Variants in ZBBX observed in about 807,000 individuals in gnomAD.
The protein encoded by ZBBX is zinc finger B-box domain-containing protein 1.
Under a neutral mutation model 108.5 loss-of-function variants are expected in ZBBX, and 101 were observed. The observed-to-expected ratio is 0.93, with a 90% confidence interval of 0.79 to 1.10. ZBBX has a LOEUF of 1.10. Among genes scored for constraint, ZBBX ranks in the 50% least tolerant of loss-of-function variants. The probability of loss-of-function intolerance (pLI) is 0.00; values close to 1 mark genes in which losing one functional copy is unlikely to be tolerated. For synonymous variants in ZBBX, 356 were observed against 323.4 expected (o/e 1.10, Z -1.08); for missense variants, 1,009 against 941.4 (o/e 1.07, Z -0.94).
chr3:167,297,837 C>T (rs1470864880), intron 18 of ZBBX, among the ~76,000 whole-genome samples: 2 of 151,834 alleles, frequency 1.3e-5, no homozygotes, highest in South Asian at 2.1e-4. Flanking sequence ...CAATATTGTA[C>T]CACCTCAGAC....
chr3:167,195,979 A>G, the ZBBX span, among the ~76,000 whole-genome samples: 2 of 152,210 alleles, frequency 1.3e-5, no homozygotes, highest in Non-Finnish European at 2.9e-5. Context: ...TATTTGGGGT[A>G]TATCTGAAAT....
At chr3:167,369,023 T>C (rs1037978868) in intron 4 of ZBBX, among the ~76,000 whole-genome samples, 33 of 152,290 alleles carry the variant, frequency 2.2e-4, no homozygotes, top group South Asian at 6.2e-4. Context: ...TTTAAATCTC[T>C]ACCTTTATGT....
At chr3:167,387,020 C>G (rs188782342) in intron 1 of ZBBX, among the ~76,000 whole-genome samples, 2 of 152,028 alleles carry the variant, frequency 1.3e-5, no homozygotes, top group Non-Finnish European at 2.9e-5. Flanking sequence ...AAGTTACTGC[C>G]ACAATATTTC....
In ZBBX at chr3:167,251,955, CACACAT is replaced by C. The variant is rs1722702308; in HGVS notation, c.2255-9318_2255-9313del. 1.3e-4 allele frequency among the ~76,000 whole-genome samples: 20 copies of C among 151,556 alleles called. 2 individuals are homozygous for C. In the South Asian group the frequency reaches 4.2e-3, roughly 32 times the overall value. ...ACACACACACACACACACACACACA[CACACAT>C]CTGTCCATGCTAGGTACTTCTAGAA... is the stretch of plus-strand genomic sequence containing the variant. On this transcript the variant is annotated intron_variant, in intron 20 of 21. Coordinates refer to ENST00000675490, the MANE Select transcript of ZBBX (RefSeq NM_001199201.2).
the ZBBX span, among the ~76,000 whole-genome samples, chr3:167,215,214 T>A: frequency 6.6e-6 from 1 of 151,526 alleles, no homozygotes; most frequent in South Asian, 2.1e-4. Context: ...TTTTTAAAGA[T>A]GTAAAATAGG....
intron 14 of ZBBX, among the ~76,000 whole-genome samples, 164 bp downstream of exon 14, chr3:167,316,841 G>T (rs1194206700): frequency 1.3e-5 from 2 of 151,892 alleles, no homozygotes; most frequent in Non-Finnish European, 2.9e-5. Context: ...GAATAATATT[G>T]TTTTATTCTT....
intron 11 of ZBBX, among the ~76,000 whole-genome samples, chr3:167,327,261 A>T (rs903087956): frequency 0.013 from 64 of 4,924 alleles, no homozygotes; most frequent in Non-Finnish European, 4.6e-3. Context: ...AAATATTCTA[A>T]AAAAAAAAAA....
intron 20 of ZBBX, among the ~76,000 whole-genome samples, chr3:167,245,434 T>C (rs890009994): frequency 6.6e-6 from 1 of 152,154 alleles, no homozygotes; most frequent in Non-Finnish European, 1.5e-5. Context: ...TATGTCTTGT[T>C]TATTTCTCCT....
At chr3:167,339,987 G>A (rs1231401924) in intron 9 of ZBBX, among the ~76,000 whole-genome samples, 3 of 151,954 alleles carry the variant, frequency 2.0e-5, no homozygotes, top group Non-Finnish European at 2.9e-5. Context: ...ATCATATACC[G>A]TGTTGTGGCA....
At chr3:167,373,292 A>T (rs1746444460) in intron 3 of ZBBX, among the ~76,000 whole-genome samples, 1 of 152,204 alleles carries the variant, frequency 6.6e-6, no homozygotes, top group Non-Finnish European at 1.5e-5. Context: ...TTATATAAGG[A>T]ACCTGAGCAT....
At chr3:167,274,842 C>T (rs1274444913) in intron 20 of ZBBX, among the ~76,000 whole-genome samples, 1 of 152,136 alleles carries the variant, frequency 6.6e-6, no homozygotes, top group Non-Finnish European at 1.5e-5. Context: ...GGGGGAAGGA[C>T]ACAGAGATAG....
chr3:167,210,401 T>C, the ZBBX span, among the ~76,000 whole-genome samples: 1 of 152,144 alleles, frequency 6.6e-6, no homozygotes, highest in Non-Finnish European at 1.5e-5. Context: ...AAAGCATTCC[T>C]GTAAGACCTA....
At chr3:167,407,716 T>C (rs1322983438) in intron 1 of ZBBX, among the ~76,000 whole-genome samples, 1 of 152,114 alleles carries the variant, frequency 6.6e-6, no homozygotes, top group African/African-American at 2.4e-5. Context: ...GTCTTCATTT[T>C]TGTCTTTACC....
At chr3:167,315,952 A>G in intron 14 of ZBBX, 123 bp from the exon 15 acceptor site, 1 of 562,680 alleles carries the variant, frequency 1.8e-6, no homozygotes, top group South Asian at 3.1e-5. Context: ...GAGAGCTCTA[A>G]TTATATTTTA....
chr3:167,393,081 C>A (rs1577145168), intron 1 of ZBBX, among the ~76,000 whole-genome samples: 1 of 151,856 alleles, frequency 6.6e-6, no homozygotes, highest in African/African-American at 2.4e-5. Context: ...TGTTAGCTAG[C>A]CTAAAACAAA....
At chr3:167,390,051 G>A (rs755225742) in intron 1 of ZBBX, among the ~76,000 whole-genome samples, 19 of 151,836 alleles carry the variant, frequency 1.3e-4, no homozygotes, top group Admixed American at 3.3e-4. Flanking sequence ...TGCCTATGTC[G>A]TGAATGGTAC....
the ZBBX span, among the ~76,000 whole-genome samples, chr3:167,228,474 G>A: frequency 6.6e-6 from 1 of 151,752 alleles, no homozygotes; most frequent in South Asian, 2.1e-4. Context: ...AAACATTTCA[G>A]ACGAAATATC....
intron 16 of ZBBX, among the ~76,000 whole-genome samples, chr3:167,313,325 G>C (rs1249913258): frequency 2.0e-5 from 3 of 152,146 alleles, no homozygotes; most frequent in Non-Finnish European, 4.4e-5. Context: ...GCCTAGGCTG[G>C]AGTGCAACGG....
At chr3:167,188,297 T>C in the ZBBX span, among the ~76,000 whole-genome samples, 4 of 152,154 alleles carry the variant, frequency 2.6e-5, 1 homozygote, top group African/African-American at 9.6e-5. Flanking sequence ...AATCTTCAGA[T>C]AAAAAAAGAT....
Sources: allele counts gnomAD v4.1 joint callset (sites outside exome capture counted in the v4.1 genomes callset), GRCh38; gene constraint gnomAD v4.1.1; transcripts MANE v1.5; gene names NCBI Gene and HGNC (gene_info 2026-07-23, HGNC 2026-07-21).